The following PATL1 variants were observed in gnomAD, a reference collection of about 807,000 sequenced individuals.
PATL1 encodes the protein protein PAT1 homolog 1.
Under a neutral mutation model 100.6 loss-of-function variants are expected in PATL1, and 32 were observed. The ratio of observed to expected loss-of-function variants is 0.32; its 90% CI spans 0.24 to 0.43. The LOEUF is 0.43. PATL1 is among the 20% of genes least tolerant of loss of function. The pLI is 1.00. For synonymous variants in PATL1, 332 were observed against 330.0 expected, an observed-to-expected ratio of 1.01 and a Z score of -0.07; for missense variants, 747 against 949.9, an observed-to-expected ratio of 0.79 and a Z score of 2.81.
chr11:59,646,277 A>G (rs1278425704), intron 15 of PATL1, among the ~76,000 whole-genome samples: 1 of 141,910 alleles, frequency 7.0e-6, no homozygotes. Context: ...TCATTTGTGG[A>G]ATTTTTTTTT....
chr11:59,642,780 C>A, intron 16 of PATL1, 100 bp downstream of exon 16: 1 of 1,321,790 alleles, frequency 7.6e-7, no homozygotes, highest in Non-Finnish European at 1.0e-6. Flanking sequence ...TGAAAGAAGC[C>A]TTTTTCCCAA....
At position 59,636,976 on chromosome 11, in the gene PATL1, G is replaced by A. The variant is rs1400889116; in HGVS notation, c.*1414C>T. 6.6e-6 allele frequency: 1 copy of A among 152,666 alleles called. No homozygotes were observed. The highest frequency in any genetic ancestry group is 1.5e-5 in the Non-Finnish European group (1 of 68,128). The allele number at this position is 152,666 out of a possible 1,614,324, so 9.5% of individuals were successfully genotyped here. On this transcript the variant is annotated 3_prime_UTR_variant, in exon 19 of 19. Coordinates refer to ENST00000300146, the MANE Select transcript of PATL1 (RefSeq NM_152716.3). ...TGGTGGAGCCTGGGGTTACAGCATG[G>A]GAAGAAATGGAGATGGAGAACAGGA...
chr11:59,657,403 A>G, intron 5 of PATL1, 127 bp downstream of exon 5: 1 of 834,184 alleles, frequency 1.2e-6, no homozygotes, highest in African/African-American at 1.7e-5. Flanking sequence ...TCCTCTAACT[A>G]GCTATTTTTC....
At position 59,647,904 on chromosome 11, in the gene PATL1, A is replaced by G. The variant is rs1263974557; in HGVS notation, c.1743T>C (p.Asp581=). Residue 581 remains aspartate (D), a synonymous_variant, in exon 15 of 19, where the codon GAT becomes GAC. Transcript: ENST00000300146. ...TACACATGATCTGTACAAAGTGGTC[A>G]TCACTAGGCCTGCAAGGAAGAAAAA... The part of the protein sequence containing the change: ...GKLPGQERPS[D]DHFVQIMCIR... 5 of 1,605,402 alleles carry G rather than the reference A, an allele frequency of 3.1e-6. No homozygotes were observed. The highest frequency in any genetic ancestry group is 4.3e-6 in the Non-Finnish European group (5 of 1,174,772).
At chr11:59,643,245 T>C (rs1861312713) in intron 15 of PATL1, among the ~76,000 whole-genome samples, 1 of 151,916 alleles carries the variant, frequency 6.6e-6, no homozygotes, top group Non-Finnish European at 1.5e-5. Context: ...ATGACTTGTG[T>C]GAACCAAAGG....
chr11:59,653,328 C>T (rs1352070684), intron 9 of PATL1, among the ~76,000 whole-genome samples: 1 of 152,122 alleles, frequency 6.6e-6, no homozygotes, highest in Non-Finnish European at 1.5e-5. Context: ...CTTAAGACAA[C>T]AAATCGATGC....
chr11:59,648,182 TTTC>T (rs1350579040), intron 14 of PATL1, among the ~76,000 whole-genome samples: 5 of 150,604 alleles, frequency 3.3e-5, no homozygotes, highest in African/African-American at 1.2e-4. Context: ...CTTAACTTTT[TTTC>T]TTTTTTTTTT....
At chr11:59,659,152 T>C in intron 3 of PATL1, 100 bp downstream of exon 3, 2 of 1,097,190 alleles carry the variant, frequency 1.8e-6, no homozygotes, top group Non-Finnish European at 2.6e-6. Flanking sequence ...ATGGTATATG[T>C]AAATCTCTCA....
At chr11:59,665,852 TACACCTGTTCTAAGTA>T (rs369217363) in intron 2 of PATL1, among the ~76,000 whole-genome samples, 1,700 of 152,350 alleles carry the variant, frequency 0.011, 56 homozygotes, top group East Asian at 0.06. Context: ...CCACTTGTTC[TACACCTGTTCTAAGTA>T]ACATGTGTTC....
chr11:59,648,250 A>G (rs1427513225), intron 14 of PATL1, among the ~76,000 whole-genome samples: 1 of 134,294 alleles, frequency 7.4e-6, no homozygotes, highest in African/African-American at 2.9e-5. Flanking sequence ...CAGTGGCGCT[A>G]TCTTGGTTCA....
chr11:59,657,503 G>C, intron 5 of PATL1, 27 bp downstream of exon 5: 2 of 1,534,792 alleles, frequency 1.3e-6, no homozygotes, highest in Non-Finnish European at 1.8e-6. Flanking sequence ...CAATATCCTG[G>C]GCTGTGTGCT....
chr11:59,666,016 G>C (rs748986290), intron 2 of PATL1, among the ~76,000 whole-genome samples: 1 of 152,028 alleles, frequency 6.6e-6, no homozygotes, highest in Non-Finnish European at 1.5e-5. Flanking sequence ...GGCTGGGCGC[G>C]GTGGCTCAGG....
Position 59,655,698 on chromosome 11 carries a change from G to C in PATL1, c.856C>G (p.Pro286Ala). The change falls in exon 8 of 19, where the codon CCT (proline) becomes GCT (alanine). Residue 286 changes from proline to alanine, a missense_variant. By Grantham distance (27) the Pro-to-Ala change is conservative. Transcript: ENST00000300146. ...GCAAGTGGACTACCAACAAATCCAG[G>C]GACCCGTGCAAACTGGCTGGGAGAC... ...RMSPSQFARV[P>A]GFVGSPLAAM... 2 of 1,603,978 alleles carry C rather than the reference G, an allele frequency of 1.2e-6. No individual in the cohort carries two copies. Among genetic ancestry groups the C allele is most frequent in the Non-Finnish European group, 1.7e-6 (2 of 1,175,182 alleles).
rs1861555384 is a variant in PATL1 at position 59,657,672 on chromosome 11, T to C, written c.479A>G (p.Gln160Arg). ...AAGGTCCCGATCATCTTCTGGACCC[T>C]GGGGGGGCCTCTGAGGCAAAGCATA... ...LEYALPQRPP[Q>R]GPEDDRDLSE... Residue 160 changes from glutamine (Q) to arginine (R), a missense_variant, in exon 5 of 19, where the codon CAG becomes CGG. Gln to Arg is a conservative substitution (Grantham distance 43). Coordinates refer to ENST00000300146, the MANE Select transcript of PATL1 (RefSeq NM_152716.3). The C allele has an allele frequency of 6.2e-7, 1 of 1,613,448 alleles. No individual in the cohort carries two copies. The highest frequency in any genetic ancestry group is 8.5e-7 in the Non-Finnish European group (1 of 1,179,662).
At chr11:59,644,739 G>A (rs576738536) in intron 15 of PATL1, among the ~76,000 whole-genome samples, 28 of 152,164 alleles carry the variant, frequency 1.8e-4, no homozygotes, top group African/African-American at 5.8e-4. Context: ...GTCATGGATA[G>A]AACTGTGTAT....
chr11:59,638,364 A>C lies in PATL1; in HGVS notation c.*26T>G, dbSNP rs116909879. 9 of 1,609,068 alleles carry C rather than the reference A, an allele frequency of 5.6e-6. No individual in the cohort carries two copies. In the African/African-American group the frequency reaches 1.2e-4, roughly 21 times the overall value. ...AGCAGTGCAGGTGGCAGCCAAAAGGAGGTACAGGACACATTTGGAGATCTT... is the reference window on the plus strand; with the variant it reads ...AGCAGTGCAGGTGGCAGCCAAAAGGCGGTACAGGACACATTTGGAGATCTT... On this transcript the variant is annotated 3_prime_UTR_variant, in exon 19 of 19. Transcript: ENST00000300146.
At chr11:59,665,510 TAC>T (rs949871878) in intron 2 of PATL1, among the ~76,000 whole-genome samples, 3 of 152,206 alleles carry the variant, frequency 2.0e-5, no homozygotes, top group African/African-American at 4.8e-5. Context: ...CTTAAAAATA[TAC>T]AGTTTTGGCC....
chr11:59,652,644 A>G lies in PATL1; in HGVS notation c.1303-57T>C, dbSNP rs115246311. ...CAAGCACAGAACACGACTGTTGTTT[A>G]CCATCAAATAATTTATGCCAGTGAC... On this transcript the variant is annotated intron_variant, in intron 10 of 18. Coordinates refer to ENST00000300146, the MANE Select transcript of PATL1 (RefSeq NM_152716.3). 6,782 of 1,588,230 alleles carry G rather than the reference A, an allele frequency of 4.3e-3. 248 individuals are homozygous for G. In the African/African-American group the frequency reaches 0.081, roughly 19 times the overall value.
At chr11:59,639,425 T>G in intron 16 of PATL1, 42 bp from the exon 17 acceptor site, 2 of 1,444,444 alleles carry the variant, frequency 1.4e-6, no homozygotes, top group Non-Finnish European at 1.9e-6. Context: ...ACACTGTGTC[T>G]AAACCTCCTC....
Sources: gnomAD v4.1 joint callset for allele counts (sites outside exome capture counted in the v4.1 genomes callset) on GRCh38, gnomAD v4.1.1 for gene constraint, MANE v1.5 for transcripts, NCBI Gene and HGNC (gene_info 2026-07-23, HGNC 2026-07-21) for gene names.